GLIPR2: variants seen among roughly 807,000 people sequenced by gnomAD.
The protein encoded by GLIPR2 is Golgi-associated plant pathogenesis-related protein 1.
GLIPR2 carries 21 observed loss-of-function variants against 20.4 expected under a neutral mutation model. The observed-to-expected ratio is 1.03, with a 90% CI of 0.73 to 1.48. The LOEUF is 1.48. Among genes scored for constraint, GLIPR2 ranks in the 40% most tolerant of loss-of-function variants. The pLI, the probability that GLIPR2 is intolerant of heterozygous loss-of-function variation, is 0.00. For missense variants in GLIPR2, 205 were observed against 200.1 expected, an observed-to-expected ratio of 1.02 and a Z score of -0.15; for synonymous variants, 91 against 80.5, an observed-to-expected ratio of 1.13 and a Z score of -0.70.
intron 1 of GLIPR2, chr9:36,144,688 C>A (rs370822938): frequency 6.6e-6 from 1 of 152,366 alleles, no homozygotes; most frequent in African/African-American, 2.4e-5. Flanking sequence ...CTGACTGGAC[C>A]TCACTGGACA....
At chr9:36,160,269 C>T (rs984586943) in intron 4 of GLIPR2, among the ~76,000 whole-genome samples, 2 of 152,138 alleles carry the variant, frequency 1.3e-5, no homozygotes, top group Non-Finnish European at 2.9e-5. Context: ...ATGATCCGCC[C>T]ACCTCGGCCT....
intron 4 of GLIPR2, among the ~76,000 whole-genome samples, chr9:36,156,385 TAAAAAAAAAAAAA>T (rs58467311): frequency 1.3e-5 from 1 of 77,720 alleles, no homozygotes; most frequent in Non-Finnish European, 2.4e-5. Flanking sequence ...AAGCCATGTC[TAAAAAAAAAAAAA>T]AAAAAAAAAA....
At chr9:36,144,058 C>CA (rs1259678714) in intron 1 of GLIPR2, among the ~76,000 whole-genome samples, 3 of 152,154 alleles carry the variant, frequency 2.0e-5, no homozygotes, top group African/African-American at 4.8e-5. Context: ...GCCTCTTGCA[C>CA]AAAACAGGGA....
Position 36,150,910 on chromosome 9 carries a change from A to G in GLIPR2, c.265A>G (p.Asn89Asp). The change falls in exon 4 of 5, where the codon AAC becomes GAC. Residue 89 changes from asparagine to aspartate, a missense_variant. Physicochemically the swap from Asn to Asp is conservative, Grantham distance 23. Coordinates refer to ENST00000377960, the MANE Select transcript of GLIPR2 (RefSeq NM_022343.4). ...TGATAGATGGTACAGTGAAATCAAGAACTATAACTTCCAGCAGCCTGGCTT... is the reference window on the plus strand; with the variant it reads ...TGATAGATGGTACAGTGAAATCAAGGACTATAACTTCCAGCAGCCTGGCTT... ...VADRWYSEIK[N>D]YNFQQPGFTS... 2 of 1,613,932 alleles carry G rather than the reference A, an allele frequency of 1.2e-6. No homozygotes were observed. The highest frequency in any genetic ancestry group is 2.2e-5 in the South Asian group (2 of 91,076).
rs947165942 is a variant in GLIPR2, at chr9:36,136,983, C to G, written c.13+192C>G. On this transcript the variant is annotated intron_variant, in intron 1 of 4. Coordinates refer to ENST00000377960, the MANE Select transcript of GLIPR2 (RefSeq NM_022343.4). The surrounding 1 kb of genome is among the most constrained non-coding windows in gnomAD (Gnocchi z 4.3). ...GGGGGAAGGCGAGCCCGAGGGAGGC[C>G]CCCGCCGGAGAGCCGGGGATCGCGC... 6.9e-6 allele frequency: 4 copies of G among 580,518 alleles called. No homozygotes were observed. The highest frequency in any genetic ancestry group is 1.9e-5 in the African/African-American group (1 of 51,720). The allele number at this position is 580,518 out of a possible 1,614,324, so 36.0% of individuals were successfully genotyped here.
intron 1 of GLIPR2, among the ~76,000 whole-genome samples, chr9:36,145,214 G>A (rs1361137938): frequency 6.6e-6 from 1 of 152,238 alleles, no homozygotes; most frequent in East Asian, 1.9e-4. Flanking sequence ...CATTTCCAGA[G>A]AAAGGAACTC....
intron 1 of GLIPR2, among the ~76,000 whole-genome samples, chr9:36,146,977 C>G (rs970763548): frequency 6.6e-6 from 1 of 152,164 alleles, no homozygotes; most frequent in East Asian, 1.9e-4. Flanking sequence ...GGTGGCTCTG[C>G]CCCTGCAGTA....
At chr9:36,155,088 C>T (rs1825772649) in intron 4 of GLIPR2, among the ~76,000 whole-genome samples, 1 of 152,160 alleles carries the variant, frequency 6.6e-6, no homozygotes, top group South Asian at 2.1e-4. Flanking sequence ...GGGTGGAAAC[C>T]AGAGTTTATT....
In GLIPR2 at chr9:36,163,023, G is replaced by A. The variant is rs62541760; in HGVS notation, c.*501G>A. ...ATAAATACAAAGCAGCTTCCATCAG[G>A]AACATGGAGCAGGCAGGGACTCCAT... On this transcript the variant is annotated 3_prime_UTR_variant, in exon 5 of 5. Transcript: ENST00000377960. The A allele has an allele frequency of 2.9e-3, 1,150 of 402,662 alleles. 2 individuals carry two copies. Among genetic ancestry groups the A allele is most frequent in the Non-Finnish European group, 4.6e-3 (951 of 204,870 alleles). 24.9% of individuals were successfully genotyped at this position (402,662 alleles called of 1,614,324 possible).
At chr9:36,154,945 T>C (rs942481298) in intron 4 of GLIPR2, among the ~76,000 whole-genome samples, 1 of 152,146 alleles carries the variant, frequency 6.6e-6, no homozygotes, top group African/African-American at 2.4e-5. Flanking sequence ...AGCAGGCTAG[T>C]GTGAGAAAGG....
intron 4 of GLIPR2, among the ~76,000 whole-genome samples, chr9:36,154,480 C>T (rs181551711): frequency 6.6e-6 from 1 of 152,284 alleles, no homozygotes; most frequent in Non-Finnish European, 1.5e-5. Flanking sequence ...ACAAATAGTG[C>T]TCGCTCATTC....
chr9:36,138,145 C>T (rs1014466913), intron 1 of GLIPR2, among the ~76,000 whole-genome samples: 2 of 152,100 alleles, frequency 1.3e-5, no homozygotes, highest in African/African-American at 4.8e-5. Flanking sequence ...GCGAGTCTTT[C>T]GAGATATCTG....
rs376339132 is a variant in GLIPR2, at chr9:36,150,927, G to C, written c.282G>C (p.Gln94His). 1 of 1,613,732 alleles carries C rather than the reference G, an allele frequency of 6.2e-7. No individual in the cohort carries two copies. The highest frequency in any genetic ancestry group is 1.3e-5 in the African/African-American group (1 of 74,908). ...YSEIKNYNFQ[Q>H]PGFTSGTGHF... The stretch of plus-strand genomic sequence containing the variant: ...AAATCAAGAACTATAACTTCCAGCA[G>C]CCTGGCTTCACCTCGGGGACTGGTG... The change falls in exon 4 of 5, where the codon CAG becomes CAC. Residue 94 changes from glutamine (Q) to histidine (H), a missense_variant. By Grantham distance (24) the Gln-to-His change is conservative. Transcript: ENST00000377960.
chr9:36,146,369 C>T (rs890031882), intron 1 of GLIPR2, among the ~76,000 whole-genome samples: 13 of 152,154 alleles, frequency 8.5e-5, no homozygotes, highest in African/African-American at 2.7e-4. Flanking sequence ...TTGGAGGGGA[C>T]GTTCAAACCA....
In GLIPR2 at chr9:36,147,900, T is replaced by A; in HGVS notation, c.122+6T>A. ...CTCAACCGGGAGGCTCAACAGTGAG[T>A]CCCCTAGCACATCCGGGTAACTTGG... On this transcript the variant is annotated splice_donor_region_variant and intron_variant, in intron 2 of 4. Coordinates refer to ENST00000377960, the MANE Select transcript of GLIPR2 (RefSeq NM_022343.4). The A allele has an allele frequency of 2.3e-6, 3 of 1,303,150 alleles. No individual in the cohort carries two copies. The highest frequency in any genetic ancestry group is 3.3e-6 in the Non-Finnish European group (3 of 896,550). The allele number at this position is 1,303,150 out of a possible 1,614,324, so 80.7% of individuals were successfully genotyped here. A position where few individuals can be genotyped will look rare whatever the true frequency, so the allele number is the denominator to read the frequency against.
chr9:36,162,576 C>A lies in GLIPR2; in HGVS notation c.*54C>A. On this transcript the variant is annotated 3_prime_UTR_variant, in exon 5 of 5. Transcript: ENST00000377960. Reference sequence around the variant, plus strand: ...ACTTAAGAACGTGGATATGAAGTGCCTAGAACCACCACAACCTGGCTGTGC... The same window carrying A: ...ACTTAAGAACGTGGATATGAAGTGCATAGAACCACCACAACCTGGCTGTGC... 1 of 1,565,520 alleles carries A rather than the reference C, an allele frequency of 6.4e-7. No homozygotes were observed. The highest frequency in any genetic ancestry group is 1.1e-5 in the South Asian group (1 of 88,566).
intron 3 of GLIPR2, among the ~76,000 whole-genome samples, chr9:36,150,226 C>T (rs1429974152): frequency 1.3e-5 from 2 of 152,198 alleles, no homozygotes; most frequent in East Asian, 3.9e-4. Context: ...TGTAGACCTA[C>T]TGAATCAGAA....
At chr9:36,143,792 A>C (rs1185323418) in intron 1 of GLIPR2, among the ~76,000 whole-genome samples, 2 of 152,072 alleles carry the variant, frequency 1.3e-5, no homozygotes, top group Non-Finnish European at 1.5e-5. Flanking sequence ...TAGAGAGCTC[A>C]CTACCTTGTG....
intron 1 of GLIPR2, chr9:36,137,015 G>A: frequency 2.3e-6 from 1 of 443,644 alleles, no homozygotes; most frequent in East Asian, 3.6e-5. Flanking sequence ...GCGCCAAGTT[G>A]GGCTTCCCGA....
Sources: allele counts gnomAD v4.1 joint callset (sites outside exome capture counted in the v4.1 genomes callset), GRCh38; gene constraint gnomAD v4.1.1; non-coding constraint Gnocchi (gnomAD v3.1); transcripts MANE v1.5; gene names NCBI Gene and HGNC (gene_info 2026-07-23, HGNC 2026-07-21).